Variants in PRKCH observed in about 807,000 individuals in gnomAD.
PRKCH encodes protein kinase C eta, also known as protein kinase C eta type.
PRKCH carries 28 observed loss-of-function variants against 82.5 expected under a neutral mutation model. The ratio of observed to expected loss-of-function variants is 0.34; its 90% CI spans 0.25 to 0.47. PRKCH has a LOEUF of 0.47. Among genes scored for constraint, PRKCH ranks in the 20% least tolerant of loss-of-function variants. The probability of loss-of-function intolerance (pLI) is 1.00; values close to 1 mark genes in which losing one functional copy is unlikely to be tolerated. For synonymous variants in PRKCH, 322 were observed against 327.4 expected (o/e 0.98, Z 0.18); for missense variants, 705 against 881.8 (o/e 0.80, Z 2.54).
At chr14:61,524,606 G>A (rs939762285) in intron 10 of PRKCH, among the ~76,000 whole-genome samples, 5 of 152,086 alleles carry the variant, frequency 3.3e-5, no homozygotes, top group African/African-American at 1.2e-4. Flanking sequence ...AAGTCAGGAG[G>A]CTTAGGGTGA....
At chr14:61,316,574 G>T (rs1400098479) in intron 1 of PRKCH, among the ~76,000 whole-genome samples, 2 of 152,182 alleles carry the variant, frequency 1.3e-5, no homozygotes, top group Non-Finnish European at 2.9e-5. Context: ...TGATCAGCGT[G>T]GGATGTGTAG....
intron 12 of PRKCH, among the ~76,000 whole-genome samples, chr14:61,538,951 A>G (rs1049390556): frequency 6.6e-6 from 1 of 152,262 alleles, no homozygotes; most frequent in African/African-American, 2.4e-5. Context: ...TCTCTTCAGT[A>G]GCTACATTTG....
chr14:61,306,562 A>G (rs1025729082), intron 1 of PRKCH: 3 of 152,204 alleles, frequency 2.0e-5, no homozygotes, highest in African/African-American at 4.8e-5. Context: ...CTGCCCTGCA[A>G]TGTTTGTTGT....
At chr14:61,542,040 A>C (rs1357680817) in intron 12 of PRKCH, among the ~76,000 whole-genome samples, 1 of 152,242 alleles carries the variant, frequency 6.6e-6, no homozygotes, top group Non-Finnish European at 1.5e-5. Flanking sequence ...CTGTAATCCC[A>C]GCACTTTGGG....
chr14:61,291,550 G>A (rs1165599890), intron 1 of PRKCH, among the ~76,000 whole-genome samples: 1 of 151,974 alleles, frequency 6.6e-6, no homozygotes, highest in African/African-American at 2.4e-5. Context: ...GGATGGTCTC[G>A]AACTCCTGAC....
chr14:61,533,682 C>T (rs983082812), intron 12 of PRKCH, among the ~76,000 whole-genome samples: 2 of 152,210 alleles, frequency 1.3e-5, no homozygotes, highest in East Asian at 1.9e-4. Context: ...TTCCATGCCT[C>T]AGCAGGTGGG....
At chr14:61,399,581 C>G (rs373283787) in intron 2 of PRKCH, among the ~76,000 whole-genome samples, 2 of 152,220 alleles carry the variant, frequency 1.3e-5, no homozygotes, top group African/African-American at 2.4e-5. Context: ...CCTTTTGTTC[C>G]GTCATAAAGT....
intron 6 of PRKCH, among the ~76,000 whole-genome samples, chr14:61,451,773 A>G (rs144948901): frequency 3.9e-5 from 6 of 152,290 alleles, no homozygotes; most frequent in African/African-American, 7.2e-5. Flanking sequence ...GAGGAGAACA[A>G]TGGTGAGGTA....
chr14:61,244,106 G>T (rs1318748986), intron 1 of PRKCH, among the ~76,000 whole-genome samples: 1 of 152,176 alleles, frequency 6.6e-6, no homozygotes, highest in Non-Finnish European at 1.5e-5. Context: ...AGGCTGAGCA[G>T]CAAGAGACCC....
At chr14:61,484,764 C>CTTTT (rs375542490) in intron 9 of PRKCH, among the ~76,000 whole-genome samples, 17,023 of 120,784 alleles carry the variant, frequency 0.14, 1,191 homozygotes, top group South Asian at 0.16. Context: ...ATTTGGCTTC[C>CTTTT]TTTTTTTTTT....
At chr14:61,202,466 G>A (rs2044489295) in intron 1 of PRKCH, among the ~76,000 whole-genome samples, 1 of 152,164 alleles carries the variant, frequency 6.6e-6, no homozygotes, top group African/African-American at 2.4e-5. Flanking sequence ...GAAAGGTATT[G>A]TCTCCTGTAC....
rs140353648 is a variant in PRKCH, at chr14:61,272,053, G to A, written c.-19+84385G>A. 6.6e-5 allele frequency among the ~76,000 whole-genome samples: 10 copies of A among 151,860 alleles called. 1 individual carries two copies. The highest frequency in any genetic ancestry group is 2.2e-4 in the African/African-American group (9 of 41,404). Reference sequence around the variant, plus strand: ...ATCCTGGTTAACACGGTGAAACCCCGTCTCTACTAAAAAAAATACAAAATA... The same window carrying A: ...ATCCTGGTTAACACGGTGAAACCCCATCTCTACTAAAAAAAATACAAAATA... On this transcript the variant is annotated intron_variant, in intron 1 of 3. Coordinates refer to the PRKCH transcript ENST00000555185.
At chr14:61,275,462 A>G (rs2045193437) in intron 1 of PRKCH, among the ~76,000 whole-genome samples, 1 of 152,224 alleles carries the variant, frequency 6.6e-6, no homozygotes, top group Non-Finnish European at 1.5e-5. Flanking sequence ...TTCAGCCACT[A>G]TAATGGGAAC....
At chr14:61,407,556 G>A (rs1037654288) in intron 2 of PRKCH, among the ~76,000 whole-genome samples, 5 of 152,138 alleles carry the variant, frequency 3.3e-5, no homozygotes, top group Admixed American at 2.0e-4. Context: ...TGAGGACCTG[G>A]TGGGGACACT....
At chr14:61,228,756 A>G (rs953695472) in intron 1 of PRKCH, among the ~76,000 whole-genome samples, 40 of 152,222 alleles carry the variant, frequency 2.6e-4, no homozygotes, top group Admixed American at 2.6e-3. Flanking sequence ...AAGTTACAAA[A>G]TGTGTCAGGT....
In PRKCH at chr14:61,322,194, C is replaced by T. The variant is rs199727888; in HGVS notation, c.93C>T (p.His31=). 5.3e-5 allele frequency: 86 copies of T among 1,612,802 alleles called. No homozygotes were observed. In the East Asian group the frequency reaches 1.9e-3, roughly 35 times the overall value. ...GLQPTRWSLR[H]SLFKKGHQLL... is the part of the protein sequence containing the mutation. ...AGCCCACCCGCTGGTCCCTGCGCCA[C>T]TCGCTCTTCAAGAAGGGCCACCAGC... is the stretch of plus-strand genomic sequence containing the variant. The change falls in exon 1 of 14, where the codon CAC becomes CAT. Residue 31 remains histidine, a synonymous_variant. Transcript: ENST00000332981.
intron 1 of PRKCH, among the ~76,000 whole-genome samples, chr14:61,248,120 A>G (rs1471489043): frequency 6.6e-6 from 1 of 152,186 alleles, no homozygotes; most frequent in East Asian, 1.9e-4. Context: ...CATGAGTTAT[A>G]TCCCCTGACC....
intron 6 of PRKCH, among the ~76,000 whole-genome samples, chr14:61,451,296 G>A (rs75416665): frequency 0.036 from 5,514 of 152,234 alleles, 116 homozygotes; most frequent in Middle Eastern, 0.065. Context: ...AGAAATGGAA[G>A]ATGGTTGAGT....
chr14:61,399,842 A>G (rs1359313567), intron 2 of PRKCH, among the ~76,000 whole-genome samples: 1 of 152,206 alleles, frequency 6.6e-6, no homozygotes, highest in Non-Finnish European at 1.5e-5. Context: ...AAACTTCCTC[A>G]AAAACAAAAC....
Sources: gnomAD v4.1 joint callset for allele counts (sites outside exome capture counted in the v4.1 genomes callset) on GRCh38, gnomAD v4.1.1 for gene constraint, MANE v1.5 for transcripts, NCBI Gene and HGNC (gene_info 2026-07-23, HGNC 2026-07-21) for gene names.